RAP1GAP2: variants seen among roughly 807,000 people sequenced by gnomAD.
The protein encoded by RAP1GAP2 is rap1 GTPase-activating protein 2.
A neutral mutation model predicts 95.0 loss-of-function variants in RAP1GAP2; 27 were observed. The observed-to-expected ratio is 0.28, with a 90% CI of 0.21 to 0.39. The LOEUF (loss-of-function observed/expected upper bound fraction) is 0.39. RAP1GAP2 is among the 10% of genes least tolerant of loss of function. The pLI is 1.00. For synonymous variants in RAP1GAP2, 373 were observed against 380.9 expected, an observed-to-expected ratio of 0.98 and a Z score of 0.24; for missense variants, 771 against 970.0, an observed-to-expected ratio of 0.79 and a Z score of 2.72.
At chr17:2,944,620 G>A (rs938718600) in intron 3 of RAP1GAP2, among the ~76,000 whole-genome samples, 5 of 152,102 alleles carry the variant, frequency 3.3e-5, no homozygotes, top group Non-Finnish European at 7.4e-5. Flanking sequence ...ATTCTGGATG[G>A]AATTTCCCTA....
intron 2 of RAP1GAP2, among the ~76,000 whole-genome samples, chr17:2,874,934 G>C (rs569847235): frequency 1.2e-4 from 18 of 152,120 alleles, no homozygotes; most frequent in African/African-American, 4.1e-4. Flanking sequence ...CATGACTGTC[G>C]ACCTAGAGAA....
intron 2 of RAP1GAP2, among the ~76,000 whole-genome samples, chr17:2,896,662 C>T (rs1597546551): frequency 1.3e-5 from 2 of 152,252 alleles, no homozygotes; most frequent in Middle Eastern, 3.4e-3. Context: ...CCCCAGGTGC[C>T]CCCAACCACA....
intron 22 of RAP1GAP2, among the ~76,000 whole-genome samples, chr17:3,028,779 G>T (rs55882923): frequency 0.39 from 58,918 of 151,952 alleles, 11,995 homozygotes; most frequent in East Asian, 0.54. Flanking sequence ...TTCCTCATCT[G>T]TAAAAGGGGG....
chr17:2,987,791 C>A (rs2151555006), intron 11 of RAP1GAP2, among the ~76,000 whole-genome samples: 1 of 152,268 alleles, frequency 6.6e-6, no homozygotes, highest in South Asian at 2.1e-4. Context: ...CTACCAGATT[C>A]TGTTGCCTGT....
chr17:3,007,639 A>G (rs146757008), intron 16 of RAP1GAP2, among the ~76,000 whole-genome samples: 1,880 of 152,278 alleles, frequency 0.012, 31 homozygotes, highest in African/African-American at 0.041. Context: ...ATCCATGTGC[A>G]TGGCTCTGGA....
intron 2 of RAP1GAP2, among the ~76,000 whole-genome samples, chr17:2,889,887 A>ATTTTTTTT (rs1183050009): frequency 3.4e-4 from 13 of 38,732 alleles, no homozygotes; most frequent in East Asian, 1.5e-3. Context: ...ATATATATAT[A>ATTTTTTTT]TATTTTTTTT....
At chr17:2,954,508 CT>C (rs1381316994) in intron 3 of RAP1GAP2, among the ~76,000 whole-genome samples, 1 of 152,098 alleles carries the variant, frequency 6.6e-6, no homozygotes, top group Non-Finnish European at 1.5e-5. Flanking sequence ...TTCTTAACTG[CT>C]TTTCTATACC....
intron 1 of RAP1GAP2, among the ~76,000 whole-genome samples, chr17:2,760,250 G>A (rs1266435990): frequency 5.7e-5 from 7 of 121,878 alleles, no homozygotes; most frequent in Admixed American, 1.0e-4. Context: ...TTGAGATCGC[G>A]CCACTGCACT....
chr17:2,873,340 C>T (rs1255894260), intron 2 of RAP1GAP2, among the ~76,000 whole-genome samples: 5 of 140,996 alleles, frequency 3.5e-5, no homozygotes, highest in Admixed American at 1.4e-4. Context: ...CCGGTTGGGG[C>T]GGGGCATGCC....
At chr17:2,770,077 C>CA (rs533020473) in intron 1 of RAP1GAP2, among the ~76,000 whole-genome samples, 16,750 of 97,798 alleles carry the variant, frequency 0.17, 1,357 homozygotes, top group African/African-American at 0.22. Flanking sequence ...GGTCTCAAAA[C>CA]AAAAAAAAAA....
intron 8 of RAP1GAP2, among the ~76,000 whole-genome samples, chr17:2,978,456 C>T (rs1034287198): frequency 6.6e-6 from 1 of 151,946 alleles, no homozygotes; most frequent in African/African-American, 2.4e-5. Flanking sequence ...AGGGAAAATT[C>T]ATGTCCCGGG....
intron 1 of RAP1GAP2, among the ~76,000 whole-genome samples, chr17:2,778,438 A>G (rs559034845): frequency 3.3e-5 from 5 of 152,214 alleles, no homozygotes; most frequent in Non-Finnish European, 4.4e-5. Flanking sequence ...TCAGCTCAGC[A>G]TGTTGAGGCA....
chr17:2,918,357 T>C (rs1423007889), intron 3 of RAP1GAP2, among the ~76,000 whole-genome samples: 1 of 137,956 alleles, frequency 7.2e-6, no homozygotes, highest in Admixed American at 8.4e-5. Flanking sequence ...CACTTGAACC[T>C]GGGAGGTGGA....
intron 20 of RAP1GAP2, 95 bp downstream of exon 20, chr17:3,026,216 G>C: frequency 7.6e-7 from 1 of 1,309,662 alleles, no homozygotes; most frequent in Non-Finnish European, 1.1e-6. Context: ...GCCATCTCCT[G>C]CCTCTGGAAC....
chr17:2,969,181 A>ATATATCTATCTATC (rs1555581851), intron 8 of RAP1GAP2, among the ~76,000 whole-genome samples: 1 of 147,006 alleles, frequency 6.8e-6, no homozygotes, highest in Non-Finnish European at 1.5e-5. Flanking sequence ...CTATCTATCT[A>ATATATCTATCTATC]TATATATATA....
chr17:2,772,395 A>ATCC (rs891910085), upstream of RAP1GAP2, among the ~76,000 whole-genome samples: 47 of 152,182 alleles, frequency 3.1e-4, no homozygotes, highest in African/African-American at 1.1e-3. Flanking sequence ...GGCTCAAGGA[A>ATCC]TCCTGTTCAG....
At chr17:2,771,272 G>A (rs192838452) in intron 2 of RAP1GAP2, among the ~76,000 whole-genome samples, 72 of 152,118 alleles carry the variant, frequency 4.7e-4, no homozygotes, top group African/African-American at 1.6e-3. Context: ...CTGAGTCTGG[G>A]TAGGGGGCTG....
chr17:2,847,844 G>C (rs1030312932), intron 2 of RAP1GAP2, among the ~76,000 whole-genome samples: 1 of 152,054 alleles, frequency 6.6e-6, no homozygotes, highest in Non-Finnish European at 1.5e-5. Flanking sequence ...ACTCCTGGGC[G>C]GCCTCTATGC....
intron 2 of RAP1GAP2, chr17:2,854,184 T>G (rs774399831): frequency 2.3e-5 from 22 of 974,434 alleles, no homozygotes; most frequent in Non-Finnish European, 2.7e-5. Context: ...TTCCGATGGG[T>G]GTTTGGTTCC....
Sources: allele counts gnomAD v4.1 joint callset (sites outside exome capture counted in the v4.1 genomes callset), GRCh38; gene constraint gnomAD v4.1.1; transcripts MANE v1.5; gene names NCBI Gene and HGNC (gene_info 2026-07-23, HGNC 2026-07-21).